FBXO34: variants seen among roughly 807,000 people sequenced by gnomAD.
FBXO34 encodes F-box only protein 34.
Under a neutral mutation model 24.5 loss-of-function variants are expected in FBXO34, and 12 were observed. That is an observed-to-expected ratio of 0.49 (90% CI 0.31 to 0.79). The LOEUF is 0.79. FBXO34 is among the 30% of genes least tolerant of loss of function. FBXO34 has a pLI of 0.04. For missense variants in FBXO34, 823 were observed against 857.7 expected, an observed-to-expected ratio of 0.96 and a Z score of 0.51; for synonymous variants, 320 against 311.9, an observed-to-expected ratio of 1.03 and a Z score of -0.27.
At chr14:55,299,337 G>T (rs914542066) in intron 1 of FBXO34, 9 of 632,930 alleles carry the variant, frequency 1.4e-5, no homozygotes, top group Non-Finnish European at 2.6e-5. Context: ...AAAGCAGTAG[G>T]GCCGCATTGC....
chr14:55,287,105 C>T (rs1881789057), intron 1 of FBXO34, among the ~76,000 whole-genome samples: 1 of 151,968 alleles, frequency 6.6e-6, no homozygotes, highest in Non-Finnish European at 1.5e-5. Flanking sequence ...GGGGTTTCAC[C>T]TTGTTGGCCA....
At chr14:55,299,105 G>A (rs1361878863) in intron 1 of FBXO34, 12 of 1,356,136 alleles carry the variant, frequency 8.8e-6, no homozygotes, top group Admixed American at 3.4e-5. Flanking sequence ...AGCTCATGGC[G>A]GAATTAGAAG....
At chr14:55,442,010 G>A in the FBXO34 span, among the ~76,000 whole-genome samples, 1 of 151,608 alleles carries the variant, frequency 6.6e-6, no homozygotes, top group Non-Finnish European at 1.5e-5. Flanking sequence ...TGATCCACCT[G>A]CCTTGGCCTC....
At chr14:55,436,770 C>A in the FBXO34 span, 1 of 1,614,180 alleles carries the variant, frequency 6.2e-7, no homozygotes, top group Non-Finnish European at 8.5e-7. Context: ...GTGATGGCAA[C>A]CTACTTTGTG....
chr14:55,290,504 A>G (rs1881911399), intron 1 of FBXO34, among the ~76,000 whole-genome samples: 2 of 152,202 alleles, frequency 1.3e-5, no homozygotes, highest in African/African-American at 4.8e-5. Context: ...ACCCCCTACC[A>G]TCACTTTTCT....
intron 1 of FBXO34, among the ~76,000 whole-genome samples, chr14:55,334,327 G>GT (rs1420922977): frequency 6.6e-6 from 1 of 152,186 alleles, no homozygotes; most frequent in African/African-American, 2.4e-5. Context: ...AGTCCTTAGG[G>GT]TTTGATGCAC....
the FBXO34 span, chr14:55,382,201 G>A: frequency 5.0e-5 from 81 of 1,612,976 alleles, no homozygotes; most frequent in African/African-American, 1.0e-3. Flanking sequence ...TCTACAAGTA[G>A]GAAGACACAC....
At chr14:55,339,752 G>A (rs1883927738) in intron 1 of FBXO34, among the ~76,000 whole-genome samples, 1 of 152,162 alleles carries the variant, frequency 6.6e-6, no homozygotes, top group Non-Finnish European at 1.5e-5. Flanking sequence ...AAGCAGCAAT[G>A]TTTTTTAGTT....
At chr14:55,301,865 A>T (rs1882367259) in intron 1 of FBXO34, among the ~76,000 whole-genome samples, 1 of 152,230 alleles carries the variant, frequency 6.6e-6, no homozygotes, top group African/African-American at 2.4e-5. Context: ...ACCATACCAC[A>T]GTCTACTTTT....
the FBXO34 span, chr14:55,414,399 T>G: frequency 6.2e-7 from 1 of 1,606,228 alleles, no homozygotes; most frequent in Non-Finnish European, 8.5e-7. Context: ...TTAAAACCTT[T>G]TAGAATAGGA....
At chr14:55,375,490 A>ATTTTTTTTT in the FBXO34 span, among the ~76,000 whole-genome samples, 5 of 117,798 alleles carry the variant, frequency 4.2e-5, no homozygotes, top group Admixed American at 9.3e-5. Context: ...GCCGGGCTAA[A>ATTTTTTTTT]TTTTTTTTTT....
chr14:55,302,389 GTTAATAGAATAGAAATTTT>G (rs1474926684), intron 1 of FBXO34, among the ~76,000 whole-genome samples: 1 of 151,232 alleles, frequency 6.6e-6, no homozygotes, highest in Non-Finnish European at 1.5e-5. Context: ...ATGTTAGACA[GTTAATAGAATAGAAATTTT>G]TAAATAGCCT....
intron 1 of FBXO34, among the ~76,000 whole-genome samples, chr14:55,285,930 T>TA (rs925023229): frequency 7.2e-5 from 11 of 152,348 alleles, no homozygotes; most frequent in Admixed American, 7.2e-4. Flanking sequence ...GTCTGACAGT[T>TA]ACTAATCTTT....
rs1168647416 is a variant in FBXO34, at chr14:55,352,532, A to C, written c.*6A>C. 1 of 1,582,620 alleles carries C rather than the reference A, an allele frequency of 6.3e-7. No individual in the cohort carries two copies. The highest frequency in any genetic ancestry group is 1.4e-5 in the African/African-American group (1 of 73,716). On this transcript the variant is annotated 3_prime_UTR_variant, in exon 2 of 2. Transcript: ENST00000313833. ...AAGCTGAAGAGGAATACTAAAGTCC[A>C]TGTGAGAGGCAACAAAAGGACCGGT... is the stretch of plus-strand genomic sequence containing the variant.
At position 55,313,750 on chromosome 14, in the gene FBXO34, C is replaced by G. The variant is rs150006900; in HGVS notation, c.-10-36631C>G. On this transcript the variant is annotated intron_variant, in intron 1 of 1. Coordinates refer to ENST00000313833, the MANE Select transcript of FBXO34 (RefSeq NM_017943.4). ...AACCATCAGATCTCGTGAGAACTGACCTCACTGTCATGAGAACAGCATGGG... is the reference window on the plus strand; with the variant it reads ...AACCATCAGATCTCGTGAGAACTGAGCTCACTGTCATGAGAACAGCATGGG... Among the ~76,000 whole-genome samples, 5 of 152,278 alleles carry G rather than the reference C, an allele frequency of 3.3e-5. No individual in the cohort carries two copies. In the East Asian group the frequency reaches 9.6e-4, roughly 29 times the overall value.
At chr14:55,276,714 G>A (rs1881356616) in intron 1 of FBXO34, among the ~76,000 whole-genome samples, 1 of 152,232 alleles carries the variant, frequency 6.6e-6, no homozygotes, top group South Asian at 2.1e-4. Context: ...TTACAGGAAA[G>A]TAAACAGTTC....
chr14:55,437,781 T>C, the FBXO34 span, among the ~76,000 whole-genome samples: 1 of 152,246 alleles, frequency 6.6e-6, no homozygotes, highest in African/African-American at 2.4e-5. Context: ...GTTTAAGATA[T>C]AGTTGAATGC....
At chr14:55,324,913 T>C (rs934598180) in intron 1 of FBXO34, among the ~76,000 whole-genome samples, 2 of 152,136 alleles carry the variant, frequency 1.3e-5, no homozygotes, top group Non-Finnish European at 2.9e-5. Flanking sequence ...AGCAGCAGAT[T>C]TGGAGTCTGA....
At chr14:55,281,115 A>G (rs1881526039) in intron 1 of FBXO34, among the ~76,000 whole-genome samples, 1 of 152,128 alleles carries the variant, frequency 6.6e-6, no homozygotes, top group Non-Finnish European at 1.5e-5. Context: ...CCCTTTGGGC[A>G]TGGTAGCCCA....
Sources: allele counts gnomAD v4.1 joint callset (sites outside exome capture counted in the v4.1 genomes callset), GRCh38; gene constraint gnomAD v4.1.1; transcripts MANE v1.5; gene names NCBI Gene and HGNC (gene_info 2026-07-23, HGNC 2026-07-21).